The following SUGCT variants were observed in gnomAD, a reference collection of about 807,000 sequenced individuals.
The protein encoded by SUGCT is succinyl-CoA:glutarate-CoA transferase, also known as succinyl-CoA:glutarate CoA-transferase.
SUGCT carries 41 observed loss-of-function variants against 55.0 expected under a neutral mutation model. The observed-to-expected ratio is 0.74, with a 90% CI of 0.58 to 0.97. The LOEUF (loss-of-function observed/expected upper bound fraction) is 0.97. Ranked by LOEUF, SUGCT falls within the 50% of genes least tolerant of loss-of-function variation. SUGCT has a pLI of 0.00. For missense variants in SUGCT, 568 were observed against 547.8 expected (o/e 1.04, Z -0.37); for synonymous variants, 187 against 200.4 (o/e 0.93, Z 0.56).
intron 1 of SUGCT, among the ~76,000 whole-genome samples, chr7:40,157,947 G>A (rs533963868): frequency 1.3e-5 from 2 of 152,130 alleles, no homozygotes; most frequent in Non-Finnish European, 2.9e-5. Context: ...AGTTGCTCAC[G>A]CCTGTAATGC....
intron 12 of SUGCT, among the ~76,000 whole-genome samples, chr7:40,647,835 A>T (rs1175296852): frequency 6.6e-6 from 1 of 152,054 alleles, no homozygotes; most frequent in Non-Finnish European, 1.5e-5. Flanking sequence ...AAAAAAAAAA[A>T]AGTTAGACCA....
the SUGCT span, among the ~76,000 whole-genome samples, chr7:40,993,322 A>G: frequency 1.3e-5 from 2 of 152,022 alleles, no homozygotes; most frequent in Admixed American, 6.6e-5. Context: ...TGCTCACTCT[A>G]TGGAGGAAGA....
chr7:40,448,223 TC>T (rs1788957092), intron 9 of SUGCT, among the ~76,000 whole-genome samples: 1 of 50,164 alleles, frequency 2.0e-5, no homozygotes, highest in Non-Finnish European at 4.1e-5. Flanking sequence ...GTTCCCTCCC[TC>T]CCTCCCTCCC....
chr7:40,611,161 T>A (rs1358300184), intron 12 of SUGCT, among the ~76,000 whole-genome samples: 2 of 152,206 alleles, frequency 1.3e-5, no homozygotes, highest in Non-Finnish European at 2.9e-5. Flanking sequence ...TTTAGTAATA[T>A]GTCTCCAGAA....
chr7:40,403,258 G>A (rs573967754), intron 9 of SUGCT, among the ~76,000 whole-genome samples: 1 of 152,226 alleles, frequency 6.6e-6, no homozygotes, highest in South Asian at 2.1e-4. Context: ...TAAAGAAGTA[G>A]GTAAGCTTAG....
intron 11 of SUGCT, among the ~76,000 whole-genome samples, chr7:40,484,380 A>C (rs1791219366): frequency 6.6e-6 from 1 of 152,174 alleles, no homozygotes; most frequent in Non-Finnish European, 1.5e-5. Context: ...TGGGTTGATC[A>C]GTGGTTAGTT....
At chr7:40,191,763 T>A (rs1056194808) in intron 5 of SUGCT, among the ~76,000 whole-genome samples, 1 of 152,324 alleles carries the variant, frequency 6.6e-6, no homozygotes, top group South Asian at 2.1e-4. Flanking sequence ...GGAAAAATTA[T>A]TTTTTCTCTA....
the SUGCT span, among the ~76,000 whole-genome samples, chr7:40,888,699 A>C: frequency 6.6e-6 from 1 of 152,172 alleles, no homozygotes; most frequent in Non-Finnish European, 1.5e-5. Flanking sequence ...GGTTGGGTGC[A>C]CCTGCACTTG....
At chr7:41,029,193 A>G in the SUGCT span, among the ~76,000 whole-genome samples, 1 of 152,094 alleles carries the variant, frequency 6.6e-6, no homozygotes, top group Non-Finnish European at 1.5e-5. Flanking sequence ...TCATCTGCAG[A>G]CTCCATGACG....
chr7:40,865,048 G>A (rs573300690), downstream of SUGCT, among the ~76,000 whole-genome samples: 8 of 151,832 alleles, frequency 5.3e-5, no homozygotes, highest in East Asian at 9.7e-4. Context: ...GATTACTCCC[G>A]TTCTTACCTG....
chr7:40,436,297 C>G (rs1379471380), intron 9 of SUGCT, among the ~76,000 whole-genome samples: 1 of 152,072 alleles, frequency 6.6e-6, no homozygotes, highest in Non-Finnish European at 1.5e-5. Flanking sequence ...TGGGATGAAA[C>G]TCTGCTGTCA....
At chr7:40,969,003 A>T in the SUGCT span, among the ~76,000 whole-genome samples, 1 of 152,206 alleles carries the variant, frequency 6.6e-6, no homozygotes, top group South Asian at 2.1e-4. Context: ...CTGTCCTCTT[A>T]TTCCAGCTCC....
chr7:40,548,347 C>T (rs980571090), intron 12 of SUGCT, among the ~76,000 whole-genome samples: 1 of 151,898 alleles, frequency 6.6e-6, no homozygotes, highest in Admixed American at 6.6e-5. Context: ...CCCCATGGCA[C>T]ACTGCTAATT....
chr7:40,305,205 A>C (rs918332658), intron 8 of SUGCT, among the ~76,000 whole-genome samples: 5 of 152,220 alleles, frequency 3.3e-5, no homozygotes, highest in Non-Finnish European at 7.3e-5. Flanking sequence ...CCACTGAACA[A>C]GGCAAATTTC....
At chr7:40,943,547 T>G in the SUGCT span, among the ~76,000 whole-genome samples, 17 of 149,790 alleles carry the variant, frequency 1.1e-4, no homozygotes, top group African/African-American at 4.2e-4. Context: ...TTTTTGTCCT[T>G]GCGATAGTTT....
In SUGCT at chr7:40,377,205, T is replaced by TTCC. The variant is rs1562728784; in HGVS notation, c.816+60351_816+60352insCCT. Among the ~76,000 whole-genome samples, 3 of 5,504 alleles carry TTCC rather than the reference T, an allele frequency of 5.5e-4. 1 individual carries two copies. The highest frequency in any genetic ancestry group is 0.17 in the Middle Eastern group (2 of 12). The allele number at this position is 5,504 out of a possible 152,430, so 3.6% of individuals were successfully genotyped here. On this transcript the variant is annotated intron_variant, in intron 9 of 13. Transcript: ENST00000335693. ...TTCTTTCTTTCTTTCTTTCTTTTCTTTTCTTTTCTTTCTTTTCTTTCTTTC... is the reference window on the plus strand; with the variant it reads ...TTCTTTCTTTCTTTCTTTCTTTTCTTTCCTTCTTTTCTTTCTTTTCTTTCTTTC...
intron 12 of SUGCT, among the ~76,000 whole-genome samples, chr7:40,612,908 G>A (rs557282918): frequency 7.9e-5 from 12 of 152,104 alleles, no homozygotes; most frequent in Non-Finnish European, 1.5e-4. Context: ...TGAGGCTGGT[G>A]GATCACTTGA....
chr7:40,135,074 C>T lies in SUGCT; in HGVS notation c.54C>T (p.Ser18=). Residue 18 remains serine (S), a synonymous_variant, in exon 1 of 14, where the codon TCC becomes TCT. Transcript: ENST00000335693. The part of the protein sequence containing the change: ...VAALRRTCLF[S]GRGGGRGLWT... ...CTCTGCGCAGAACCTGCCTCTTCTC[C>T]GGCCGGGGCGGCGGGAGGGGGCTGT... 6.4e-6 allele frequency: 10 copies of T among 1,559,908 alleles called. No homozygotes were observed. The highest frequency in any genetic ancestry group is 8.7e-6 in the Non-Finnish European group (10 of 1,153,196).
At chr7:40,181,561 C>T (rs183921955) in intron 2 of SUGCT, among the ~76,000 whole-genome samples, 95 of 151,760 alleles carry the variant, frequency 6.3e-4, no homozygotes, top group Middle Eastern at 3.4e-3. Context: ...CTGGCTAACA[C>T]GGTGAAACCC....
Sources: allele counts gnomAD v4.1 joint callset (sites outside exome capture counted in the v4.1 genomes callset), GRCh38; gene constraint gnomAD v4.1.1; transcripts MANE v1.5; gene names NCBI Gene and HGNC (gene_info 2026-07-23, HGNC 2026-07-21).